Variants in EGFLAM observed in about 807,000 individuals in gnomAD.
EGFLAM encodes the protein EGF like, fibronectin type III and laminin G domains.
A neutral mutation model predicts 113.1 loss-of-function variants in EGFLAM; 79 were observed. The observed-to-expected ratio is 0.70, with a 90% CI of 0.58 to 0.84. EGFLAM has a LOEUF of 0.84. Among genes scored for constraint, EGFLAM ranks in the 40% least tolerant of loss-of-function variants. The pLI is 0.00. For missense variants in EGFLAM, 1,265 were observed against 1,291.6 expected (o/e 0.98, Z 0.32); for synonymous variants, 504 against 487.6 (o/e 1.03, Z -0.44).
chr5:38,346,751 C>T (rs1739481656), intron 3 of EGFLAM, among the ~76,000 whole-genome samples: 1 of 152,100 alleles, frequency 6.6e-6, no homozygotes, highest in Non-Finnish European at 1.5e-5. Flanking sequence ...TTGAGGAAAG[C>T]CTGGAGTGTT....
intron 10 of EGFLAM, among the ~76,000 whole-genome samples, chr5:38,409,718 T>C (rs1741411382): frequency 6.6e-6 from 1 of 152,172 alleles, no homozygotes; most frequent in Non-Finnish European, 1.5e-5. Context: ...AGGTGTGGAC[T>C]GAGAGGAGCC....
chr5:38,372,659 G>A (rs1434261632), intron 6 of EGFLAM, among the ~76,000 whole-genome samples: 1 of 152,134 alleles, frequency 6.6e-6, no homozygotes, highest in African/African-American at 2.4e-5. Flanking sequence ...GGGTAGGGAA[G>A]GTGGACAAAA....
intron 6 of EGFLAM, among the ~76,000 whole-genome samples, chr5:38,375,060 GTTTTTTTT>G (rs74821426): frequency 9.3e-6 from 1 of 107,742 alleles, no homozygotes; most frequent in Non-Finnish European, 1.9e-5. Context: ...CTCTGTTGTT[GTTTTTTTT>G]TTTTTTTTTT....
chr5:38,412,237 T>C (rs531326697), intron 10 of EGFLAM, among the ~76,000 whole-genome samples: 1 of 152,176 alleles, frequency 6.6e-6, no homozygotes, highest in Non-Finnish European at 1.5e-5. Flanking sequence ...CATGATTTTC[T>C]AAGTTGCAGA....
At chr5:38,340,493 C>T (rs1398289631) in intron 3 of EGFLAM, among the ~76,000 whole-genome samples, 1 of 152,050 alleles carries the variant, frequency 6.6e-6, no homozygotes, top group African/African-American at 2.4e-5. Flanking sequence ...TACTCTATGC[C>T]CAACACAAGA....
At chr5:38,331,849 T>G (rs759682940) in intron 1 of EGFLAM, among the ~76,000 whole-genome samples, 3 of 152,234 alleles carry the variant, frequency 2.0e-5, no homozygotes, top group Non-Finnish European at 4.4e-5. Context: ...TCTTGTTTAC[T>G]TCCAAGTTTT....
At chr5:38,344,306 T>G (rs2111966179) in intron 3 of EGFLAM, among the ~76,000 whole-genome samples, 1 of 152,202 alleles carries the variant, frequency 6.6e-6, no homozygotes, top group East Asian at 1.9e-4. Context: ...GCCAATGTGG[T>G]GAAACCCCAT....
chr5:38,418,222 C>T lies in EGFLAM; in HGVS notation c.1651C>T (p.Pro551Ser). ...NGRRIDMRPW[P>S]LGKALSGADV... ...GAGGAGAATTGACATGAGGCCCTGG[C>T]CCCTGGGAAAAGCACTCAGTGGGGC... The change falls in exon 12 of 22, where the codon CCC becomes TCC. Residue 551 changes from proline (P) to serine (S), a missense_variant. Pro to Ser is a moderately conservative substitution (Grantham distance 74). Coordinates refer to ENST00000322350, the MANE Select transcript of EGFLAM (RefSeq NM_152403.4). 1.2e-6 allele frequency: 2 copies of T among 1,613,848 alleles called. No individual in the cohort carries two copies. Among genetic ancestry groups the T allele is most frequent in the Non-Finnish European group, 1.7e-6 (2 of 1,179,914 alleles).
chr5:38,367,282 T>C (rs1740087243), intron 5 of EGFLAM, among the ~76,000 whole-genome samples: 1 of 151,718 alleles, frequency 6.6e-6, no homozygotes. Context: ...TTTTTTTTTT[T>C]TAAGTTTTTT....
chr5:38,438,580 C>A, intron 17 of EGFLAM, 125 bp downstream of exon 17: 1 of 890,198 alleles, frequency 1.1e-6, no homozygotes, highest in Non-Finnish European at 1.6e-6. Context: ...TTATTTTGAT[C>A]AATTATTTCA....
intron 3 of EGFLAM, among the ~76,000 whole-genome samples, chr5:38,344,880 A>G (rs990401937): frequency 1.3e-5 from 2 of 152,158 alleles, no homozygotes; most frequent in African/African-American, 4.8e-5. Flanking sequence ...CTCACAACCT[A>G]TTGGACAGAA....
rs78367043 is a variant in EGFLAM, at chr5:38,375,339, C to G, written c.712+4877C>G. Among the ~76,000 whole-genome samples, 190 of 152,330 alleles carry G rather than the reference C, an allele frequency of 1.2e-3. 4 individuals are homozygous for G. The South Asian group carries it at 0.024, about 20-fold the overall frequency. On this transcript the variant is annotated intron_variant, in intron 6 of 21. Transcript: ENST00000322350. ...TCCACTTGTGAGGTCAGAATTTCCA[C>G]ATGTCGGGCTTACCCCATTCTCGTC... is the stretch of plus-strand genomic sequence containing the variant.
At chr5:38,438,039 T>C (rs1258295672) in intron 16 of EGFLAM, among the ~76,000 whole-genome samples, 1 of 150,580 alleles carries the variant, frequency 6.6e-6, no homozygotes. Flanking sequence ...GGAGAATTGC[T>C]TGAACCCAGG....
chr5:38,402,300 A>G (rs16903961), intron 6 of EGFLAM, among the ~76,000 whole-genome samples: 8,012 of 152,284 alleles, frequency 0.053, 702 homozygotes, highest in African/African-American at 0.18. Flanking sequence ...AAGAGAGACC[A>G]AGGATAAAAT....
chr5:38,427,394 G>A, intron 14 of EGFLAM, 142 bp downstream of exon 14: 1 of 1,407,824 alleles, frequency 7.1e-7, no homozygotes, highest in Non-Finnish European at 9.5e-7. Context: ...GTCCTGACTT[G>A]TCCTGCTTCA....
chr5:38,352,348 C>T lies in EGFLAM; in HGVS notation c.545+17C>T, dbSNP rs371271619. 1.2e-6 allele frequency: 2 copies of T among 1,613,188 alleles called. No individual in the cohort carries two copies. The highest frequency in any genetic ancestry group is 1.7e-6 in the Non-Finnish European group (2 of 1,179,398). ...ATTCATCAGGTAAGTCTGTATGTCA[C>T]ATTCAAAAGCCAAATGTGTGCTGGG... is the stretch of plus-strand genomic sequence containing the variant. On this transcript the variant is annotated intron_variant, in intron 5 of 21. Transcript: ENST00000322350.
chr5:38,289,801 C>T (rs1397760877), intron 1 of EGFLAM, among the ~76,000 whole-genome samples: 1 of 152,138 alleles, frequency 6.6e-6, no homozygotes, highest in African/African-American at 2.4e-5. Context: ...TAAGTTTCTC[C>T]AAAGAAGGCC....
chr5:38,280,930 C>T (rs1012394063), intron 1 of EGFLAM, among the ~76,000 whole-genome samples: 1 of 152,124 alleles, frequency 6.6e-6, no homozygotes, highest in African/African-American at 2.4e-5. Flanking sequence ...AGGATGCCTG[C>T]TGTAAATTCA....
chr5:38,441,195 C>A (rs1216268772), intron 17 of EGFLAM, among the ~76,000 whole-genome samples: 7 of 152,184 alleles, frequency 4.6e-5, no homozygotes, highest in Non-Finnish European at 1.0e-4. Context: ...GAAACTCAAA[C>A]CTGTCTGTCC....
Sources: gnomAD v4.1 joint callset for allele counts (sites outside exome capture counted in the v4.1 genomes callset) on GRCh38, gnomAD v4.1.1 for gene constraint, MANE v1.5 for transcripts, NCBI Gene and HGNC (gene_info 2026-07-23, HGNC 2026-07-21) for gene names.